RBFOX1: variants seen among roughly 807,000 people sequenced by gnomAD.
RBFOX1 encodes RNA binding protein fox-1 homolog 1.
In RBFOX1, 8 loss-of-function variants were observed where a neutral mutation model predicts 57.7. The ratio of observed to expected loss-of-function variants is 0.14; its 90% CI spans 0.08 to 0.25. RBFOX1 has a LOEUF of 0.25. Among genes scored for constraint, RBFOX1 ranks in the 10% least tolerant of loss-of-function variants. The pLI, the probability that RBFOX1 is intolerant of heterozygous loss-of-function variation, is 1.00. For synonymous variants in RBFOX1, 326 were observed against 222.4 expected (o/e 1.47, Z -4.15); for missense variants, 611 against 548.5 (o/e 1.11, Z -1.14).
chr16:5,516,584 G>A (rs1032522285), intron 2 of RBFOX1, among the ~76,000 whole-genome samples: 2 of 152,086 alleles, frequency 1.3e-5, no homozygotes, highest in Non-Finnish European at 2.9e-5. Context: ...TTTAATTATA[G>A]TAGGCCCTCA....
intron 3 of RBFOX1, among the ~76,000 whole-genome samples, chr16:6,911,508 C>T (rs2071587769): frequency 6.6e-6 from 1 of 152,100 alleles, no homozygotes; most frequent in African/African-American, 2.4e-5. Context: ...ATAAGCATGT[C>T]TGTCTCCCTG....
At chr16:5,716,734 A>G (rs1159030442) in intron 3 of RBFOX1, among the ~76,000 whole-genome samples, 1 of 152,254 alleles carries the variant, frequency 6.6e-6, no homozygotes, top group South Asian at 2.1e-4. Flanking sequence ...ATGTGTCTTT[A>G]TAGTAAAATG....
At chr16:6,585,991 C>G (rs1281865547) in intron 2 of RBFOX1, among the ~76,000 whole-genome samples, 1 of 152,164 alleles carries the variant, frequency 6.6e-6, no homozygotes, top group Non-Finnish European at 1.5e-5. Context: ...CAGTGGAATA[C>G]ATGTTGCCCA....
intron 3 of RBFOX1, among the ~76,000 whole-genome samples, chr16:6,855,783 G>A (rs546588049): frequency 6.8e-6 from 1 of 147,208 alleles, no homozygotes; most frequent in African/African-American, 2.6e-5. Flanking sequence ...TACCTTTAGA[G>A]GATTTGAGTG....
intron 2 of RBFOX1, among the ~76,000 whole-genome samples, chr16:6,477,587 TTTAGAG>T (rs1388221675): frequency 6.6e-6 from 1 of 152,168 alleles, no homozygotes; most frequent in Non-Finnish European, 1.5e-5. Context: ...GCAGAGTAGA[TTTAGAG>T]TTATTCTTAA....
chr16:6,151,819 G>T (rs1220798279), intron 1 of RBFOX1, among the ~76,000 whole-genome samples: 1 of 152,120 alleles, frequency 6.6e-6, no homozygotes, highest in Non-Finnish European at 1.5e-5. Context: ...GTAGTAAGGG[G>T]GAGAACTAAC....
chr16:6,475,820 G>A (rs2095263497), intron 2 of RBFOX1, among the ~76,000 whole-genome samples: 1 of 152,098 alleles, frequency 6.6e-6, no homozygotes, highest in Non-Finnish European at 1.5e-5. Context: ...TGTATTGTGA[G>A]GAATATTTCA....
At chr16:6,491,720 C>G (rs975674927) in intron 2 of RBFOX1, among the ~76,000 whole-genome samples, 4 of 152,108 alleles carry the variant, frequency 2.6e-5, no homozygotes, top group Non-Finnish European at 4.4e-5. Context: ...TGAGGGAAGG[C>G]TGAAACTTGG....
chr16:5,653,302 AGTGC>A (rs2049309011), intron 3 of RBFOX1, among the ~76,000 whole-genome samples: 2 of 60,498 alleles, frequency 3.3e-5, no homozygotes, highest in Admixed American at 1.6e-4. Flanking sequence ...GCTGGGCTTC[AGTGC>A]AGAAGGTGGG....
chr16:6,105,873 A>G (rs2096372324), intron 1 of RBFOX1, among the ~76,000 whole-genome samples: 1 of 152,008 alleles, frequency 6.6e-6, no homozygotes, highest in African/African-American at 2.4e-5. Context: ...TATTATGGAT[A>G]TTTTCCTCCA....
chr16:7,063,524 C>T (rs1049155772), intron 4 of RBFOX1, among the ~76,000 whole-genome samples: 1 of 152,092 alleles, frequency 6.6e-6, no homozygotes, highest in Non-Finnish European at 1.5e-5. Flanking sequence ...GAGATGGACC[C>T]AAGGGACTAT....
intron 9 of RBFOX1, among the ~76,000 whole-genome samples, chr16:7,600,319 T>G (rs758808973): frequency 6.6e-6 from 1 of 152,210 alleles, no homozygotes; most frequent in African/African-American, 2.4e-5. Flanking sequence ...GACTTTGGCT[T>G]CTGTAGTGGA....
chr16:6,916,333 C>G (rs1360229865), intron 3 of RBFOX1, among the ~76,000 whole-genome samples: 1 of 152,028 alleles, frequency 6.6e-6, no homozygotes, highest in East Asian at 1.9e-4. Flanking sequence ...GTTGTTTTTA[C>G]CTTTTTGCTA....
At chr16:6,639,927 G>T (rs1219245007) in intron 2 of RBFOX1, among the ~76,000 whole-genome samples, 1 of 152,052 alleles carries the variant, frequency 6.6e-6, no homozygotes, top group Non-Finnish European at 1.5e-5. Context: ...TTACAGTTAT[G>T]ACAGGTATTT....
chr16:6,249,161 CAT>C (rs2097586816), intron 1 of RBFOX1, among the ~76,000 whole-genome samples: 1 of 152,128 alleles, frequency 6.6e-6, no homozygotes, highest in Non-Finnish European at 1.5e-5. Context: ...GAGAAGGTAG[CAT>C]ATGGGCAAAG....
rs536023463 is a variant in RBFOX1 at position 6,322,583 on chromosome 16, G to A, written c.-64+5526G>A. Among the ~76,000 whole-genome samples the A allele has an allele frequency of 5.3e-5, 8 of 152,218 alleles. No homozygotes were observed. In the East Asian group the frequency reaches 1.2e-3, roughly 22 times the overall value. ...AGAAAATCCTAAGCCAATTTTCAAC[G>A]TAGGAAGTTGACCCTATGATTATAT... On this transcript the variant is annotated intron_variant, in intron 2 of 15. Transcript: ENST00000550418.
intron 3 of RBFOX1, among the ~76,000 whole-genome samples, chr16:7,042,396 C>G (rs757754396): frequency 8.5e-5 from 13 of 152,134 alleles, no homozygotes; most frequent in Non-Finnish European, 1.9e-4. Context: ...GATGGTAATT[C>G]CCTCTTGAAT....
chr16:5,914,550 G>A (rs1479801145), intron 4 of RBFOX1, among the ~76,000 whole-genome samples: 3 of 152,144 alleles, frequency 2.0e-5, no homozygotes, highest in Non-Finnish European at 4.4e-5. Flanking sequence ...TAGACTGCTT[G>A]AGTGCCCTTA....
intron 2 of RBFOX1, among the ~76,000 whole-genome samples, chr16:6,647,255 T>C (rs1159218133): frequency 6.6e-6 from 1 of 152,174 alleles, no homozygotes; most frequent in East Asian, 1.9e-4. Flanking sequence ...TATTTTATTT[T>C]ATTTTTGAGA....
Sources: allele counts gnomAD v4.1 joint callset (sites outside exome capture counted in the v4.1 genomes callset), GRCh38; gene constraint gnomAD v4.1.1; transcripts MANE v1.5; gene names NCBI Gene and HGNC (gene_info 2026-07-23, HGNC 2026-07-21).